MYO10: variants seen among roughly 807,000 people sequenced by gnomAD.
MYO10 encodes the protein myosin X.
In MYO10, 133 loss-of-function variants were observed where a neutral mutation model predicts 257.3. The observed-to-expected ratio is 0.52, with a 90% CI of 0.45 to 0.60. The LOEUF is 0.60. MYO10 is among the 20% of genes least tolerant of loss of function. The pLI is 0.00. For missense variants in MYO10, 2,399 were observed against 2,635.7 expected (o/e 0.91, Z 1.97); for synonymous variants, 1,104 against 1,028.6 (o/e 1.07, Z -1.40).
chr5:16,777,998 G>A (rs941088799), intron 9 of MYO10, among the ~76,000 whole-genome samples: 2 of 151,660 alleles, frequency 1.3e-5, no homozygotes, highest in Non-Finnish European at 2.9e-5. Context: ...GCAGTCGCCC[G>A]CCACCATATC....
chr5:16,778,649 TG>T, intron 9 of MYO10, among the ~76,000 whole-genome samples: 1 of 146,304 alleles, frequency 6.8e-6, no homozygotes, highest in South Asian at 2.2e-4. Flanking sequence ...ACATGTGAGG[TG>T]GGGGCCTGTT....
chr5:16,817,690 A>C (rs1394138566), intron 3 of MYO10, among the ~76,000 whole-genome samples: 4 of 152,174 alleles, frequency 2.6e-5, no homozygotes, highest in Non-Finnish European at 4.4e-5. Flanking sequence ...GTCAGTCTAC[A>C]ACTCCATGAC....
At chr5:16,873,049 C>G (rs1206894621) in intron 2 of MYO10, among the ~76,000 whole-genome samples, 1 of 152,176 alleles carries the variant, frequency 6.6e-6, no homozygotes, top group Non-Finnish European at 1.5e-5. Flanking sequence ...AAAGTCTTAA[C>G]TCATTTCAGC....
rs1468834689 is a variant in MYO10 at position 16,757,301 on chromosome 5, AACACACACACACACGCACAC to A, written c.1848+797_1848+816del. On this transcript the variant is annotated intron_variant, in intron 18 of 40. Coordinates refer to ENST00000513610, the MANE Select transcript of MYO10 (RefSeq NM_012334.3). ...CAAGACCCTGTCTCACACACACACA[AACACACACACACACGCACAC>A]ACACACACACACACACACACACGGA... Among the ~76,000 whole-genome samples the A allele has an allele frequency of 8.3e-5, 7 of 84,346 alleles. No individual in the cohort carries two copies. The East Asian group carries it at 1.0e-3, about 13-fold the overall frequency. The allele number at this position is 84,346 out of a possible 152,430, so 55.3% of individuals were successfully genotyped here.
chr5:16,818,121 G>A lies in MYO10; in HGVS notation c.167C>T (p.Ala56Val), dbSNP rs1198750767. 40 of 1,609,060 alleles carry A rather than the reference G, an allele frequency of 2.5e-5. No individual in the cohort carries two copies. Among genetic ancestry groups the A allele is most frequent in the Non-Finnish European group, 3.3e-5 (39 of 1,176,444 alleles). Reference sequence around the variant, plus strand: ...GCCCTCCTCGTTCGTGGGGTGCATAGCAGTCACCTTCTGGTGGGTAATTGT... The same window carrying A: ...GCCCTCCTCGTTCGTGGGGTGCATAACAGTCACCTTCTGGTGGGTAATTGT... The part of the protein sequence containing the change: ...QSTITHQKVT[A>V]MHPTNEEGVD... The change falls in exon 3 of 41, where the codon GCT becomes GTT. Residue 56 changes from alanine (A) to valine (V), a missense_variant. Physicochemically the swap from Ala to Val is moderately conservative, Grantham distance 64 (BLOSUM62 0). Coordinates refer to ENST00000513610, the MANE Select transcript of MYO10 (RefSeq NM_012334.3).
At chr5:16,741,409 C>T (rs761189294) in intron 19 of MYO10, among the ~76,000 whole-genome samples, 4 of 152,002 alleles carry the variant, frequency 2.6e-5, no homozygotes, top group East Asian at 1.9e-4. Context: ...CTATAAAGCA[C>T]GAGGCAGGGA....
intron 21 of MYO10, among the ~76,000 whole-genome samples, chr5:16,707,019 G>C (rs544675331): frequency 3.3e-5 from 5 of 152,148 alleles, no homozygotes; most frequent in Non-Finnish European, 7.3e-5. Context: ...GAGGTAATTG[G>C]ATCATGGGCG....
intron 2 of MYO10, among the ~76,000 whole-genome samples, chr5:16,842,275 C>T (rs1743504893): frequency 6.6e-6 from 1 of 152,094 alleles, no homozygotes. Flanking sequence ...GTACTGATTC[C>T]AGCCCACCAC....
intron 2 of MYO10, among the ~76,000 whole-genome samples, chr5:16,827,058 G>A (rs935868455): frequency 6.6e-6 from 1 of 152,156 alleles, no homozygotes; most frequent in Non-Finnish European, 1.5e-5. Context: ...CTGCAAATCT[G>A]CCTTTTCCTA....
At chr5:16,761,894 C>T (rs1740723519) in intron 16 of MYO10, 151 bp downstream of exon 16, 1 of 750,272 alleles carries the variant, frequency 1.3e-6, no homozygotes, top group East Asian at 2.9e-5. Context: ...CTCAAGTGAT[C>T]CTCCTGCCTC....
intron 2 of MYO10, among the ~76,000 whole-genome samples, chr5:16,862,677 G>A (rs1276450724): frequency 6.6e-6 from 1 of 152,160 alleles, no homozygotes; most frequent in Non-Finnish European, 1.5e-5. Flanking sequence ...ATTACTGCCT[G>A]GTCGGAGCTT....
At chr5:16,751,682 T>C (rs1203276783) in intron 19 of MYO10, among the ~76,000 whole-genome samples, 1 of 151,362 alleles carries the variant, frequency 6.6e-6, no homozygotes, top group African/African-American at 2.4e-5. Context: ...AGACGAGGTT[T>C]CACCATGTTG....
intron 1 of MYO10, among the ~76,000 whole-genome samples, chr5:16,900,661 C>T (rs1202985133): frequency 1.3e-5 from 2 of 152,026 alleles, no homozygotes; most frequent in South Asian, 2.1e-4. Flanking sequence ...CCCTAGTCCC[C>T]CAAACCCACC....
chr5:16,715,822 G>A (rs1314630878), intron 19 of MYO10, among the ~76,000 whole-genome samples: 1 of 152,026 alleles, frequency 6.6e-6, no homozygotes, highest in African/African-American at 2.4e-5. Flanking sequence ...TTGGGAGGGC[G>A]AGGCAGGTGG....
chr5:16,877,624 C>T lies in MYO10; in HGVS notation c.105G>A (p.Arg35=). ...NSCAEGIVVF[R]TDYGQVFTYK... is the part of the protein sequence containing the mutation. ...TTGTTCTCACCTGACCATAGTCTGT[C>T]CGGAAGACGACGATGCCTTCTGCAC... The change falls in exon 2 of 41, where the codon CGG becomes CGA. Residue 35 remains arginine, a synonymous_variant. Coordinates refer to ENST00000513610, the MANE Select transcript of MYO10 (RefSeq NM_012334.3). 6.2e-7 allele frequency: 1 copy of T among 1,613,336 alleles called. No homozygotes were observed. Among genetic ancestry groups the T allele is most frequent in the Non-Finnish European group, 8.5e-7 (1 of 1,179,450 alleles).
At chr5:16,895,061 G>T (rs908396188) in intron 1 of MYO10, among the ~76,000 whole-genome samples, 1 of 152,056 alleles carries the variant, frequency 6.6e-6, no homozygotes, top group Admixed American at 6.6e-5. Flanking sequence ...AACCACTAAG[G>T]ACTAAAATCA....
chr5:16,919,592 G>A (rs1486885302), intron 1 of MYO10, among the ~76,000 whole-genome samples: 3 of 152,124 alleles, frequency 2.0e-5, no homozygotes, highest in Non-Finnish European at 4.4e-5. Flanking sequence ...CTACCAAGCA[G>A]ATTAAATGAA....
rs1037970354 is a variant in MYO10, at chr5:16,665,789, GA to G, written c.*902del. The G allele has an allele frequency of 6.6e-6, 1 of 152,630 alleles. No individual in the cohort carries two copies. Among genetic ancestry groups the G allele is most frequent in the African/African-American group, 2.4e-5 (1 of 41,452 alleles). 9.5% of individuals were successfully genotyped at this position (152,630 alleles called of 1,614,324 possible). A position where few individuals can be genotyped will look rare whatever the true frequency, so the allele number is the denominator to read the frequency against. On this transcript the variant is annotated 3_prime_UTR_variant, in exon 41 of 41. Coordinates refer to ENST00000513610, the MANE Select transcript of MYO10 (RefSeq NM_012334.3). The stretch of plus-strand genomic sequence containing the variant: ...AAAACCAGCACTGGAGCCAGCTGTT[GA>G]AGAGTGGTTTATAAATACAGTTATC...
chr5:16,683,998 A>C, intron 29 of MYO10, 63 bp from the exon 30 acceptor site: 2 of 1,469,246 alleles, frequency 1.4e-6, no homozygotes, highest in Non-Finnish European at 1.9e-6. Flanking sequence ...ACACTACAGT[A>C]ATACCTCTAG....
Sources: gnomAD v4.1 joint callset for allele counts (sites outside exome capture counted in the v4.1 genomes callset) on GRCh38, gnomAD v4.1.1 for gene constraint, MANE v1.5 for transcripts, NCBI Gene and HGNC (gene_info 2026-07-23, HGNC 2026-07-21) for gene names.